CNTNAP5: variants seen among roughly 807,000 people sequenced by gnomAD.
CNTNAP5 encodes the protein contactin associated protein family member 5.
In CNTNAP5, 72 loss-of-function variants were observed where a neutral mutation model predicts 150.2. The observed-to-expected ratio is 0.48, with a 90% confidence interval of 0.40 to 0.58. CNTNAP5 has a LOEUF of 0.58. Among genes scored for constraint, CNTNAP5 ranks in the 20% least tolerant of loss-of-function variants. The pLI is 0.00. For synonymous variants in CNTNAP5, 672 were observed against 619.8 expected (o/e 1.08, Z -1.25); for missense variants, 1,636 against 1,626.2 (o/e 1.01, Z -0.10).
chr2:124,343,900 T>G (rs1689677468), intron 3 of CNTNAP5, among the ~76,000 whole-genome samples: 1 of 152,166 alleles, frequency 6.6e-6, no homozygotes. Context: ...TGGTAGAGAA[T>G]GTAAAAGGGA....
At chr2:124,184,861 T>C (rs1233257053) in intron 1 of CNTNAP5, among the ~76,000 whole-genome samples, 4 of 152,156 alleles carry the variant, frequency 2.6e-5, no homozygotes, top group African/African-American at 7.2e-5. Flanking sequence ...GAAGATGGCA[T>C]GTGTGCACAT....
intron 13 of CNTNAP5, among the ~76,000 whole-genome samples, chr2:124,658,010 G>C (rs1326528846): frequency 6.6e-6 from 1 of 152,090 alleles, no homozygotes; most frequent in Non-Finnish European, 1.5e-5. Context: ...TTGTAAGAGG[G>C]GCCTTCTTTG....
intron 13 of CNTNAP5, among the ~76,000 whole-genome samples, chr2:124,697,993 C>T (rs946022818): frequency 1.9e-4 from 29 of 152,056 alleles, no homozygotes; most frequent in Non-Finnish European, 3.7e-4. Flanking sequence ...AAGTAGAAGA[C>T]ATTTTAGCAT....
rs897914547 is a variant in CNTNAP5 at position 124,911,432 on chromosome 2, G to C, written c.3656-35G>C. 4.0e-6 allele frequency: 6 copies of C among 1,506,306 alleles called. No homozygotes were observed. In the African/African-American group the frequency reaches 8.3e-5, roughly 21 times the overall value. 93.3% of individuals were successfully genotyped at this position (1,506,306 alleles called of 1,614,324 possible). On this transcript the variant is annotated intron_variant, in intron 22 of 23. Transcript: ENST00000682447. Reference sequence around the variant, plus strand: ...TAGGCTTCTTGCCAGTGCTTTGAGTGAGAAGTAAAGTCCCATGTCTTTTAC... The same window carrying C: ...TAGGCTTCTTGCCAGTGCTTTGAGTCAGAAGTAAAGTCCCATGTCTTTTAC...
rs79387836 is a variant in CNTNAP5, at chr2:124,713,609, C to G, written c.2078-33620C>G. On this transcript the variant is annotated intron_variant, in intron 13 of 23. Transcript: ENST00000682447. ...TAGGGTGGTCTTGAACTCCTGACCT[C>G]AAGTGATCCACCCGCATTGGTTTCC... Among the ~76,000 whole-genome samples the G allele has an allele frequency of 5.2e-3, 796 of 152,068 alleles. 7 individuals carry two copies. The highest frequency in any genetic ancestry group is 0.017 in the African/African-American group (724 of 41,458).
Position 124,242,383 on chromosome 2 carries a change from A to C in CNTNAP5, c.371A>C (p.Asp124Ala). 6.2e-7 allele frequency: 1 copy of C among 1,612,770 alleles called. No individual in the cohort carries two copies. The highest frequency in any genetic ancestry group is 8.5e-7 in the Non-Finnish European group (1 of 1,179,376). Residue 124 changes from aspartate (D) to alanine (A), a missense_variant, in exon 3 of 24, where the codon GAC (aspartate) becomes GCC (alanine). By Grantham distance (126) the Asp-to-Ala change is moderately radical (BLOSUM62 -2). Coordinates refer to ENST00000682447, the MANE Select transcript of CNTNAP5 (RefSeq NM_001367498.1). ...GRNWKQYKQE[D>A]SIWTFAGNMN... ...AACTGGAAACAGTACAAACAAGAAGACAGCATCTGGGTAGGACATCTTTTT... is the reference window on the plus strand; with the variant it reads ...AACTGGAAACAGTACAAACAAGAAGCCAGCATCTGGGTAGGACATCTTTTT...
intron 1 of CNTNAP5, among the ~76,000 whole-genome samples, chr2:124,032,406 T>C (rs773545449): frequency 1.1e-4 from 16 of 152,154 alleles, no homozygotes; most frequent in Admixed American, 1.3e-4. Context: ...GTAATGATTA[T>C]AGTCAGATTT....
chr2:124,314,534 G>A (rs1688917533), intron 3 of CNTNAP5, among the ~76,000 whole-genome samples: 1 of 152,084 alleles, frequency 6.6e-6, no homozygotes, highest in African/African-American at 2.4e-5. Context: ...GCCTTCACTT[G>A]ATTATGTCTG....
At chr2:124,601,662 A>C (rs1464723705) in intron 11 of CNTNAP5, among the ~76,000 whole-genome samples, 1 of 150,686 alleles carries the variant, frequency 6.6e-6, no homozygotes, top group Non-Finnish European at 1.5e-5. Context: ...GTCAAGCATC[A>C]CGTGCTATTA....
At chr2:124,594,072 C>T (rs1258427446) in intron 11 of CNTNAP5, among the ~76,000 whole-genome samples, 2 of 118,902 alleles carry the variant, frequency 1.7e-5, no homozygotes, top group African/African-American at 3.1e-5. Context: ...AAAATTTTCT[C>T]CCATGTTGCA....
chr2:124,561,897 G>T (rs2104929415), intron 10 of CNTNAP5, among the ~76,000 whole-genome samples: 1 of 152,118 alleles, frequency 6.6e-6, no homozygotes, highest in East Asian at 1.9e-4. Flanking sequence ...TAACTTCATT[G>T]CTTGCACCCT....
chr2:124,799,448 T>C (rs191424740), intron 19 of CNTNAP5, among the ~76,000 whole-genome samples: 1 of 152,180 alleles, frequency 6.6e-6, no homozygotes, highest in African/African-American at 2.4e-5. Flanking sequence ...TAAAAAACAC[T>C]GTCCTGTGAT....
At chr2:124,517,736 G>A (rs1164588834) in intron 8 of CNTNAP5, among the ~76,000 whole-genome samples, 1 of 149,744 alleles carries the variant, frequency 6.7e-6, no homozygotes, top group African/African-American at 2.5e-5. Flanking sequence ...TGGTGATGGA[G>A]GGTTTTGGTG....
intron 1 of CNTNAP5, among the ~76,000 whole-genome samples, chr2:124,190,416 C>T (rs551333502): frequency 1.1e-4 from 17 of 152,218 alleles, no homozygotes; most frequent in Middle Eastern, 3.4e-3. Flanking sequence ...CACACTTTTT[C>T]CCTGTGTGAG....
chr2:124,116,140 C>T (rs1197821892), intron 1 of CNTNAP5, among the ~76,000 whole-genome samples: 1 of 152,114 alleles, frequency 6.6e-6, no homozygotes, highest in Non-Finnish European at 1.5e-5. Flanking sequence ...AAACAAGGAA[C>T]TAATAAGAGG....
intron 1 of CNTNAP5, among the ~76,000 whole-genome samples, chr2:124,050,463 C>CA (rs1421635077): frequency 2.6e-5 from 4 of 151,616 alleles, no homozygotes; most frequent in African/African-American, 9.7e-5. Flanking sequence ...GGCCCTGTCT[C>CA]AAAAAATAAT....
intron 10 of CNTNAP5, among the ~76,000 whole-genome samples, chr2:124,547,856 G>A (rs955185959): frequency 1.3e-4 from 20 of 152,188 alleles, no homozygotes; most frequent in African/African-American, 4.8e-4. Flanking sequence ...GATGGCCAGG[G>A]AGGAGCCAGC....
At chr2:124,859,944 G>T (rs146996336) in intron 19 of CNTNAP5, among the ~76,000 whole-genome samples, 1 of 151,916 alleles carries the variant, frequency 6.6e-6, no homozygotes, top group African/African-American at 2.4e-5. Context: ...AGCATTAGGG[G>T]ATATACTTAA....
chr2:124,809,906 A>T (rs1298751868), intron 19 of CNTNAP5, among the ~76,000 whole-genome samples: 1 of 152,192 alleles, frequency 6.6e-6, no homozygotes, highest in Non-Finnish European at 1.5e-5. Flanking sequence ...AACGGCACAC[A>T]CAAAGGCAAA....
Sources: allele counts gnomAD v4.1 joint callset (sites outside exome capture counted in the v4.1 genomes callset), GRCh38; gene constraint gnomAD v4.1.1; transcripts MANE v1.5; gene names NCBI Gene and HGNC (gene_info 2026-07-23, HGNC 2026-07-21).